FANCL: variants seen among roughly 807,000 people sequenced by gnomAD.
FANCL encodes FA complementation group L, also known as E3 ubiquitin-protein ligase FANCL.
In FANCL, 69 loss-of-function variants were observed where a neutral mutation model predicts 59.4. That is an observed-to-expected ratio of 1.16 (90% CI 0.96 to 1.42). FANCL has a LOEUF of 1.42. FANCL is among the 40% of genes most tolerant of loss of function. The probability of loss-of-function intolerance (pLI) is 0.00; values close to 1 mark genes in which losing one functional copy is unlikely to be tolerated. For missense variants in FANCL, 519 were observed against 447.2 expected, an observed-to-expected ratio of 1.16 and a Z score of -1.45; for synonymous variants, 180 against 147.1, an observed-to-expected ratio of 1.22 and a Z score of -1.62.
chr2:58,183,397 T>G (rs1187810105), intron 7 of FANCL, among the ~76,000 whole-genome samples: 1 of 151,874 alleles, frequency 6.6e-6, no homozygotes, highest in East Asian at 1.9e-4. Context: ...TTAACTGAGA[T>G]AGCTTAATCC....
intron 7 of FANCL, among the ~76,000 whole-genome samples, chr2:58,184,328 TG>T: frequency 6.6e-6 from 1 of 152,202 alleles, no homozygotes; most frequent in East Asian, 1.9e-4. Context: ...TATATCTCCA[TG>T]TATTTAAAGG....
At chr2:58,234,949 G>C (rs546594831) in intron 1 of FANCL, among the ~76,000 whole-genome samples, 1 of 152,076 alleles carries the variant, frequency 6.6e-6, no homozygotes, top group Admixed American at 6.6e-5. Flanking sequence ...TTAAACAATA[G>C]GCAGCGAGGA....
chr2:58,228,599 T>C (rs1390565034), intron 3 of FANCL, among the ~76,000 whole-genome samples: 4 of 152,224 alleles, frequency 2.6e-5, no homozygotes, highest in African/African-American at 9.7e-5. Context: ...GCAACAGAGA[T>C]CTTATGGCTT....
rs566258722 is a variant in FANCL at position 58,191,503 on chromosome 2, G to A, written c.540+7091C>T. On this transcript the variant is annotated intron_variant, in intron 7 of 13. Coordinates refer to ENST00000233741, the MANE Select transcript of FANCL (RefSeq NM_018062.4). The stretch of plus-strand genomic sequence containing the variant: ...ACATCTCTTATCTCTGTTATTTATA[G>A]TACAATGTATATGTAGTCACCTTCC... 2.2e-3 allele frequency among the ~76,000 whole-genome samples: 334 copies of A among 151,858 alleles called. 2 individuals are homozygous for A. The highest frequency in any genetic ancestry group is 7.8e-3 in the African/African-American group (324 of 41,482).
At chr2:58,192,548 A>T (rs1689026492) in intron 7 of FANCL, among the ~76,000 whole-genome samples, 1 of 152,122 alleles carries the variant, frequency 6.6e-6, no homozygotes. Flanking sequence ...AAGTAACCAC[A>T]TTACTTATAT....
intron 7 of FANCL, among the ~76,000 whole-genome samples, chr2:58,189,178 T>C (rs1333153607): frequency 6.6e-6 from 1 of 152,156 alleles, no homozygotes; most frequent in African/African-American, 2.4e-5. Flanking sequence ...TTATCCTGAT[T>C]GTGGTGACAA....
intron 7 of FANCL, among the ~76,000 whole-genome samples, chr2:58,188,419 T>C (rs1445676826): frequency 2.6e-5 from 4 of 152,022 alleles, no homozygotes; most frequent in Non-Finnish European, 5.9e-5. Context: ...GGAATAATTC[T>C]CTTAATTTCG....
In FANCL at chr2:58,163,053, T is replaced by C; in HGVS notation, c.797A>G (p.Lys266Arg). 1 of 1,612,646 alleles carries C rather than the reference T, an allele frequency of 6.2e-7. No homozygotes were observed. The highest frequency in any genetic ancestry group is 8.5e-7 in the Non-Finnish European group (1 of 1,179,098). ...ADHVVKPLGIKLSRNIHLWDP... is the reference protein window; with the variant it reads ...ADHVVKPLGIRLSRNIHLWDP... ...CCACAAATGTATGTTCCTGCTCAGCTTAATTCCCAGGGGTTTTACCACTTC... is the reference window on the plus strand; with the variant it reads ...CCACAAATGTATGTTCCTGCTCAGCCTAATTCCCAGGGGTTTTACCACTTC... The change falls in exon 10 of 14, where the codon AAG (lysine) becomes AGG (arginine). Residue 266 changes from lysine to arginine, a missense_variant. Lys to Arg is a conservative substitution (Grantham distance 26). Transcript: ENST00000233741.
intron 7 of FANCL, among the ~76,000 whole-genome samples, chr2:58,192,592 A>G (rs1178348784): frequency 1.3e-5 from 2 of 152,026 alleles, no homozygotes; most frequent in Non-Finnish European, 2.9e-5. Context: ...ATAATAATGT[A>G]AACACTGAAT....
intron 7 of FANCL, among the ~76,000 whole-genome samples, chr2:58,171,872 C>T (rs911710492): frequency 1.3e-5 from 2 of 152,092 alleles, no homozygotes; most frequent in Non-Finnish European, 1.5e-5. Context: ...GGGTGACAGA[C>T]AGCACCCGGA....
chr2:58,177,292 A>G (rs1687431181), intron 7 of FANCL, among the ~76,000 whole-genome samples: 1 of 152,176 alleles, frequency 6.6e-6, no homozygotes, highest in Non-Finnish European at 1.5e-5. Context: ...TATATACCCA[A>G]AGGACTATAA....
chr2:58,183,209 A>C (rs1390321115), intron 7 of FANCL, among the ~76,000 whole-genome samples: 3 of 147,628 alleles, frequency 2.0e-5, no homozygotes, highest in African/African-American at 5.3e-5. Context: ...AGATAATAGA[A>C]AAAAATGAAT....
At chr2:58,206,835 C>A (rs916208105) in intron 5 of FANCL, among the ~76,000 whole-genome samples, 1 of 152,166 alleles carries the variant, frequency 6.6e-6, no homozygotes, top group Non-Finnish European at 1.5e-5. Flanking sequence ...CATTTAAAAT[C>A]AAGGTACATT....
chr2:58,207,782 G>C (rs569173220), intron 5 of FANCL, among the ~76,000 whole-genome samples: 65 of 152,252 alleles, frequency 4.3e-4, no homozygotes, highest in African/African-American at 1.4e-3. Flanking sequence ...TTTCATGTCG[G>C]GCATAATGAC....
chr2:58,236,394 TCC>T, intron 1 of FANCL, among the ~76,000 whole-genome samples: 1 of 151,458 alleles, frequency 6.6e-6, no homozygotes, highest in South Asian at 2.1e-4. Flanking sequence ...AAAAATGGAA[TCC>T]TAATATTACG....
At chr2:58,236,692 T>C (rs1247194315) in intron 1 of FANCL, among the ~76,000 whole-genome samples, 1 of 151,982 alleles carries the variant, frequency 6.6e-6, no homozygotes, top group African/African-American at 2.4e-5. Flanking sequence ...ATGACTATCA[T>C]ATTGCATAAC....
At chr2:58,198,174 G>A (rs759425129) in intron 7 of FANCL, among the ~76,000 whole-genome samples, 5 of 151,846 alleles carry the variant, frequency 3.3e-5, no homozygotes, top group Non-Finnish European at 5.9e-5. Context: ...TAGAAGGTGT[G>A]TTTATAAATA....
At chr2:58,217,195 TATATATATATATATATATATACAC>T (rs1163190738) in intron 5 of FANCL, among the ~76,000 whole-genome samples, 314 of 20,836 alleles carry the variant, frequency 0.015, 16 homozygotes, top group Admixed American at 0.027. Context: ...TATATATATA[TATATATATATATATATATATACAC>T]ACACACACAC....
chr2:58,224,887 C>CA (rs1692834266), intron 4 of FANCL, among the ~76,000 whole-genome samples: 1 of 151,744 alleles, frequency 6.6e-6, no homozygotes, highest in Non-Finnish European at 1.5e-5. Flanking sequence ...ATATTCTTTC[C>CA]AAAAAGTATT....
Sources: allele counts gnomAD v4.1 joint callset (sites outside exome capture counted in the v4.1 genomes callset), GRCh38; gene constraint gnomAD v4.1.1; transcripts MANE v1.5; gene names NCBI Gene and HGNC (gene_info 2026-07-23, HGNC 2026-07-21).